NRXN1: variants seen among roughly 807,000 people sequenced by gnomAD.
NRXN1 encodes neurexin 1, also known as neurexin-1.
Under a neutral mutation model 150.9 loss-of-function variants are expected in NRXN1, and 39 were observed. That is an observed-to-expected ratio of 0.26 (90% CI 0.20 to 0.34). NRXN1 has a LOEUF of 0.34. Among genes scored for constraint, NRXN1 ranks in the 10% least tolerant of loss-of-function variants. The probability of loss-of-function intolerance (pLI) is 1.00; values close to 1 mark genes in which losing one functional copy is unlikely to be tolerated. For missense variants in NRXN1, 1,815 were observed against 1,949.9 expected (o/e 0.93, Z 1.30); for synonymous variants, 924 against 757.0 (o/e 1.22, Z -3.62).
chr2:50,049,634 G>A (rs978762313), intron 21 of NRXN1, among the ~76,000 whole-genome samples: 15 of 152,134 alleles, frequency 9.9e-5, no homozygotes, highest in African/African-American at 1.7e-4. Context: ...TTCCAGAAAC[G>A]ATGTCACAAG....
intron 17 of NRXN1, among the ~76,000 whole-genome samples, chr2:50,450,110 C>T (rs1316642508): frequency 1.3e-5 from 2 of 152,094 alleles, no homozygotes; most frequent in Non-Finnish European, 2.9e-5. Context: ...AGAAGGTGCT[C>T]AAGGGATGTG....
intron 17 of NRXN1, among the ~76,000 whole-genome samples, chr2:50,399,755 C>T (rs532525503): frequency 4.9e-5 from 5 of 103,088 alleles, no homozygotes; most frequent in African/African-American, 1.9e-4. Context: ...TTACACTATT[C>T]CAAATCTACC....
chr2:50,571,413 TA>T (rs1357259465), intron 8 of NRXN1, among the ~76,000 whole-genome samples: 4 of 152,148 alleles, frequency 2.6e-5, no homozygotes, highest in African/African-American at 4.8e-5. Context: ...AGTTTGAGGT[TA>T]AACCTGTGTA....
At chr2:50,860,261 A>G (rs1675929226) in intron 5 of NRXN1, among the ~76,000 whole-genome samples, 1 of 151,956 alleles carries the variant, frequency 6.6e-6, no homozygotes, top group African/African-American at 2.4e-5. Flanking sequence ...AACATCAGAA[A>G]AAAAAAAAAT....
chr2:50,354,508 T>C (rs1048284548), intron 17 of NRXN1, among the ~76,000 whole-genome samples: 5 of 148,880 alleles, frequency 3.4e-5, no homozygotes, highest in African/African-American at 9.8e-5. Flanking sequence ...CTAGAGTATA[T>C]GTGTGTGTAT....
chr2:50,217,524 A>T (rs1025929243), intron 18 of NRXN1, among the ~76,000 whole-genome samples: 1 of 151,994 alleles, frequency 6.6e-6, no homozygotes, highest in Non-Finnish European at 1.5e-5. Flanking sequence ...CTAGGTATGT[A>T]GTTTTTTTTA....
intron 8 of NRXN1, among the ~76,000 whole-genome samples, chr2:50,613,276 C>T (rs902564899): frequency 6.6e-6 from 1 of 152,142 alleles, no homozygotes; most frequent in Non-Finnish European, 1.5e-5. Context: ...GAATACAGCA[C>T]AGAGAAGCTA....
chr2:50,274,070 T>C (rs1263933550), intron 17 of NRXN1, among the ~76,000 whole-genome samples: 2 of 152,150 alleles, frequency 1.3e-5, no homozygotes, highest in South Asian at 2.1e-4. Context: ...TGAGGACACA[T>C]GCACATGTAT....
At chr2:50,883,617 T>G (rs1679783716) in intron 5 of NRXN1, among the ~76,000 whole-genome samples, 1 of 151,808 alleles carries the variant, frequency 6.6e-6, no homozygotes, top group African/African-American at 2.4e-5. Context: ...CTCCAAAACT[T>G]GTTTCTTGGG....
chr2:50,830,007 A>AAAAAAAAAAAAAT (rs1671186056), intron 5 of NRXN1, among the ~76,000 whole-genome samples: 1 of 59,532 alleles, frequency 1.7e-5, no homozygotes, highest in Non-Finnish European at 5.5e-5. Context: ...TGGAAAAAAA[A>AAAAAAAAAAAAAT]AAAAAAAAAA....
chr2:50,587,833 GA>G (rs1478892411), intron 8 of NRXN1, among the ~76,000 whole-genome samples: 2 of 152,104 alleles, frequency 1.3e-5, no homozygotes, highest in African/African-American at 4.8e-5. Context: ...AATCAATGTT[GA>G]TGGTTTGTGA....
chr2:50,829,701 C>A (rs963967784), intron 5 of NRXN1: 19 of 1,603,250 alleles, frequency 1.2e-5, no homozygotes, highest in Non-Finnish European at 1.4e-5. Flanking sequence ...CCAGGCCGCC[C>A]GCACACCCAG....
intron 5 of NRXN1, among the ~76,000 whole-genome samples, chr2:50,769,558 T>A (rs1702763551): frequency 1.3e-5 from 2 of 152,046 alleles, no homozygotes; most frequent in South Asian, 2.1e-4. Flanking sequence ...TTCTCACCCC[T>A]CTGCAGAATG....
At chr2:50,294,463 T>C (rs898700588) in intron 17 of NRXN1, among the ~76,000 whole-genome samples, 2 of 152,230 alleles carry the variant, frequency 1.3e-5, no homozygotes, top group Admixed American at 6.5e-5. Flanking sequence ...TTTATTCATT[T>C]ATGTGTTTAT....
At chr2:50,444,525 G>C (rs2086234435) in intron 17 of NRXN1, among the ~76,000 whole-genome samples, 1 of 152,126 alleles carries the variant, frequency 6.6e-6, no homozygotes, top group Non-Finnish European at 1.5e-5. Context: ...TCAAGAAGCA[G>C]CGCTGCCTCT....
rs867419877 is a variant in NRXN1, at chr2:50,479,320, T to C, written c.3071-6849A>G. ...TCCAGCATGAATGCCTTTCCTCTTC[T>C]GATGTTGTTCTTCAAAATCCTACTC... On this transcript the variant is annotated intron_variant, in intron 15 of 22. Coordinates refer to ENST00000401669, the MANE Select transcript of NRXN1 (RefSeq NM_001330078.2). Among the ~76,000 whole-genome samples the C allele has an allele frequency of 3.9e-5, 6 of 152,292 alleles. No individual in the cohort carries two copies. In the Middle Eastern group the frequency reaches 0.017, roughly 432 times the overall value.
intron 21 of NRXN1, among the ~76,000 whole-genome samples, chr2:50,032,344 T>G (rs1689303303): frequency 6.6e-6 from 1 of 152,044 alleles, no homozygotes; most frequent in African/African-American, 2.4e-5. Context: ...ACTGCTAGCA[T>G]TAATTAAGTG....
At chr2:50,509,167 G>C (rs1324312685) in intron 12 of NRXN1, among the ~76,000 whole-genome samples, 1 of 152,122 alleles carries the variant, frequency 6.6e-6, no homozygotes, top group Non-Finnish European at 1.5e-5. Context: ...TTCATCCTTG[G>C]CCTGACCTAC....
At chr2:50,906,854 C>T (rs751307979) in intron 5 of NRXN1, among the ~76,000 whole-genome samples, 3 of 152,044 alleles carry the variant, frequency 2.0e-5, no homozygotes, top group Non-Finnish European at 2.9e-5. Context: ...ATGTGGATTA[C>T]ATGTGTTGCG....
Sources: allele counts gnomAD v4.1 joint callset (sites outside exome capture counted in the v4.1 genomes callset), GRCh38; gene constraint gnomAD v4.1.1; transcripts MANE v1.5; gene names NCBI Gene and HGNC (gene_info 2026-07-23, HGNC 2026-07-21).